MACROD2: variants seen among roughly 807,000 people sequenced by gnomAD.
The protein encoded by MACROD2 is mono-ADP ribosylhydrolase 2, also known as ADP-ribose glycohydrolase MACROD2.
A neutral mutation model predicts 70.4 loss-of-function variants in MACROD2; 36 were observed. The ratio of observed to expected loss-of-function variants is 0.51; its 90% CI spans 0.39 to 0.68. MACROD2 has a LOEUF of 0.68. MACROD2 is among the 30% of genes least tolerant of loss of function. MACROD2 has a pLI of 0.00. For missense variants in MACROD2, 496 were observed against 538.4 expected (o/e 0.92, Z 0.78); for synonymous variants, 172 against 178.8 (o/e 0.96, Z 0.30).
chr20:14,258,726 T>C lies in MACROD2; in HGVS notation c.271+172998T>C, dbSNP rs7266559. 5.3e-3 allele frequency among the ~76,000 whole-genome samples: 805 copies of C among 152,236 alleles called. 5 individuals are homozygous for C. Among genetic ancestry groups the C allele is most frequent in the African/African-American group, 0.018 (744 of 41,560 alleles). The stretch of plus-strand genomic sequence containing the variant: ...AGCTTTTTAGTTTAATTAGGTCCCA[T>C]CGATTCATTTTTGTTTTTGTTGCAT... On this transcript the variant is annotated intron_variant, in intron 3 of 17. Transcript: ENST00000684519.
chr20:14,956,800 G>A (rs1170797671), intron 5 of MACROD2, among the ~76,000 whole-genome samples: 4 of 152,136 alleles, frequency 2.6e-5, no homozygotes, highest in African/African-American at 9.7e-5. Flanking sequence ...GGGGCAGTTG[G>A]AGATGTTAGT....
intron 8 of MACROD2, among the ~76,000 whole-genome samples, chr20:15,766,029 T>C (rs1016080606): frequency 7.2e-5 from 11 of 152,230 alleles, no homozygotes; most frequent in Non-Finnish European, 1.5e-4. Flanking sequence ...TACTCCTCCA[T>C]CTGAAGATGA....
chr20:15,260,288 A>G (rs981650079), intron 6 of MACROD2, among the ~76,000 whole-genome samples: 2 of 147,424 alleles, frequency 1.4e-5, no homozygotes, highest in South Asian at 4.3e-4. Context: ...CCCCCTCCCC[A>G]CTTCCTTTCA....
chr20:14,903,342 A>G (rs1267967071), intron 5 of MACROD2, among the ~76,000 whole-genome samples: 2 of 152,042 alleles, frequency 1.3e-5, no homozygotes, highest in Admixed American at 6.6e-5. Context: ...CACCCGGCCC[A>G]GGTTTCTTAC....
intron 12 of MACROD2, among the ~76,000 whole-genome samples, chr20:15,943,412 AC>A (rs1445407506): frequency 2.0e-5 from 3 of 152,100 alleles, no homozygotes; most frequent in East Asian, 3.9e-4. Context: ...AAGCGTCCTC[AC>A]CCCATCACTC....
chr20:15,559,131 G>A (rs1316096117), intron 8 of MACROD2, among the ~76,000 whole-genome samples: 1 of 150,668 alleles, frequency 6.6e-6, no homozygotes, highest in Non-Finnish European at 1.5e-5. Context: ...GGAGGCTGAG[G>A]CAGGAGAATG....
chr20:15,236,450 A>G (rs1323610176), intron 6 of MACROD2, among the ~76,000 whole-genome samples: 2 of 152,238 alleles, frequency 1.3e-5, no homozygotes. Context: ...AGAGGGGTGA[A>G]TGAGATCAAT....
At chr20:14,862,362 AATATATATAAATAT>A (rs1191075156) in intron 5 of MACROD2, among the ~76,000 whole-genome samples, 5 of 16,112 alleles carry the variant, frequency 3.1e-4, no homozygotes, top group African/African-American at 1.3e-3. Flanking sequence ...TATATATATA[AATATATATAAATAT>A]ATATATAAAT....
At chr20:14,478,572 T>G (rs1011728618) in intron 3 of MACROD2, among the ~76,000 whole-genome samples, 3 of 152,184 alleles carry the variant, frequency 2.0e-5, no homozygotes, top group Non-Finnish European at 2.9e-5. Context: ...ATGAATCTGT[T>G]GGTCTATCTC....
At position 15,495,365 on chromosome 20, in the gene MACROD2, GA is replaced by G. The variant is rs200127208; in HGVS notation, c.572-4408del. Among the ~76,000 whole-genome samples, 650 of 152,220 alleles carry G rather than the reference GA, an allele frequency of 4.3e-3. 11 individuals are homozygous for G. Among genetic ancestry groups the G allele is most frequent in the African/African-American group, 0.015 (618 of 41,532 alleles). On this transcript the variant is annotated intron_variant, in intron 7 of 17. Transcript: ENST00000684519. ...CACTGAAAGCAGGCATATTATCAGGGATATTCATCTTGATATTTTTCTCCCC... is the reference window on the plus strand; with the variant it reads ...CACTGAAAGCAGGCATATTATCAGGGTATTCATCTTGATATTTTTCTCCCC...
At chr20:14,066,805 A>ATTTTTTTT (rs34648174) in intron 2 of MACROD2, among the ~76,000 whole-genome samples, 1 of 104,130 alleles carries the variant, frequency 9.6e-6, no homozygotes, top group Non-Finnish European at 1.9e-5. Context: ...TGTTTTAGTG[A>ATTTTTTTT]TTTTTTTTTT....
Position 15,636,089 on chromosome 20 carries a change from A to AAAAAAAAAAAAAG in MACROD2, c.645+136245_645+136246insAAAAAAAAAGAAA, listed in dbSNP as rs1459679844. On this transcript the variant is annotated intron_variant, in intron 8 of 17. Coordinates refer to ENST00000684519, the MANE Select transcript of MACROD2 (RefSeq NM_001351661.2). ...TCCCTCTCAAAAGAAAAAAAAAAAA[A>AAAAAAAAAAAAAG]AAAGAAAGAAAAGAAAAGAAAAAAG... Among the ~76,000 whole-genome samples the AAAAAAAAAAAAAG allele has an allele frequency of 7.8e-4, 105 of 134,978 alleles. 2 individuals carry two copies. The East Asian group carries it at 9.9e-3, about 13-fold the overall frequency. The allele number at this position is 134,978 out of a possible 152,430, so 88.6% of individuals were successfully genotyped here.
intron 5 of MACROD2, among the ~76,000 whole-genome samples, chr20:14,921,218 A>G (rs552255264): frequency 6.6e-6 from 1 of 152,290 alleles, no homozygotes; most frequent in East Asian, 1.9e-4. Flanking sequence ...TGACATTTTA[A>G]AAATCCATTT....
intron 3 of MACROD2, among the ~76,000 whole-genome samples, chr20:14,407,852 T>G (rs2083708118): frequency 6.6e-6 from 1 of 152,222 alleles, no homozygotes; most frequent in South Asian, 2.1e-4. Context: ...ATACTTGCTC[T>G]TTCTTCACAT....
chr20:15,419,084 C>T (rs142656521), intron 6 of MACROD2, among the ~76,000 whole-genome samples: 17 of 152,208 alleles, frequency 1.1e-4, no homozygotes, highest in East Asian at 3.9e-4. Context: ...AGATTTATGA[C>T]GAAGTGGTCC....
chr20:15,599,062 T>C (rs1271834552), intron 8 of MACROD2, among the ~76,000 whole-genome samples: 4 of 152,080 alleles, frequency 2.6e-5, no homozygotes, highest in Non-Finnish European at 5.9e-5. Context: ...CGTTGTCTGA[T>C]ACCCATCAAG....
At chr20:14,860,506 G>A (rs2073303477) in intron 5 of MACROD2, among the ~76,000 whole-genome samples, 1 of 152,110 alleles carries the variant, frequency 6.6e-6, no homozygotes, top group Non-Finnish European at 1.5e-5. Flanking sequence ...AAACACCGCT[G>A]CACCTCCCTC....
chr20:15,298,187 T>A (rs1343134759), intron 6 of MACROD2, among the ~76,000 whole-genome samples: 3 of 152,216 alleles, frequency 2.0e-5, no homozygotes, highest in Non-Finnish European at 4.4e-5. Flanking sequence ...GCTCTCAGGG[T>A]TGGTTTCTTC....
At position 14,052,774 on chromosome 20, in the gene MACROD2, G is replaced by A. The variant is rs2053584941; in HGVS notation, c.164-32847G>A. On this transcript the variant is annotated intron_variant, in intron 2 of 17. Transcript: ENST00000684519. ...AGAAATTCTTTTATTTGAAGTTTTAGAAACACTATCTTCAGTTGTATTGCT... is the reference window on the plus strand; with the variant it reads ...AGAAATTCTTTTATTTGAAGTTTTAAAAACACTATCTTCAGTTGTATTGCT... Among the ~76,000 whole-genome samples the A allele has an allele frequency of 4.6e-5, 7 of 152,062 alleles. No homozygotes were observed. In the South Asian group the frequency reaches 1.5e-3, roughly 32 times the overall value.
Sources: allele counts gnomAD v4.1 joint callset (sites outside exome capture counted in the v4.1 genomes callset), GRCh38; gene constraint gnomAD v4.1.1; transcripts MANE v1.5; gene names NCBI Gene and HGNC (gene_info 2026-07-23, HGNC 2026-07-21).